RAB2A: variants seen among roughly 807,000 people sequenced by gnomAD.
The protein encoded by RAB2A is ras-related protein Rab-2A.
In RAB2A, 7 loss-of-function variants were observed where a neutral mutation model predicts 32.5. The observed-to-expected ratio is 0.22, with a 90% CI of 0.12 to 0.40. The LOEUF (loss-of-function observed/expected upper bound fraction) is 0.40, where lower values mean the gene tolerates loss of function less well. RAB2A is among the 10% of genes least tolerant of loss of function. RAB2A has a pLI of 1.00. For missense variants in RAB2A, 108 were observed against 260.7 expected (o/e 0.41, Z 4.03); for synonymous variants, 79 against 85.2 (o/e 0.93, Z 0.40).
chr8:60,542,823 T>C (rs1205333723), intron 1 of RAB2A, among the ~76,000 whole-genome samples: 1 of 152,242 alleles, frequency 6.6e-6, no homozygotes, highest in Non-Finnish European at 1.5e-5. Flanking sequence ...TTCTGCACTT[T>C]GCAGTTTCCA....
intron 5 of RAB2A, among the ~76,000 whole-genome samples, chr8:60,590,558 A>G (rs1342465114): frequency 3.4e-5 from 5 of 145,208 alleles, no homozygotes; most frequent in Non-Finnish European, 6.0e-5. Context: ...ATATATATGT[A>G]AAATACATAT....
At chr8:60,616,701 A>G (rs1804454455) in intron 6 of RAB2A, among the ~76,000 whole-genome samples, 1 of 152,190 alleles carries the variant, frequency 6.6e-6, no homozygotes, top group Non-Finnish European at 1.5e-5. Context: ...TTTTGCTGCA[A>G]ATTCTCATGA....
chr8:60,532,568 T>C (rs2130811399), intron 1 of RAB2A, among the ~76,000 whole-genome samples: 1 of 152,242 alleles, frequency 6.6e-6, no homozygotes, highest in Middle Eastern at 3.4e-3. Flanking sequence ...TGGAGTGCAG[T>C]GGCATAGTCT....
At chr8:60,567,796 C>A (rs532159746) in intron 2 of RAB2A, among the ~76,000 whole-genome samples, 1 of 151,894 alleles carries the variant, frequency 6.6e-6, no homozygotes, top group South Asian at 2.1e-4. Flanking sequence ...TTTGCATGTT[C>A]TAGGTAGACT....
In RAB2A at chr8:60,613,785, G is replaced by A. The variant is rs151181880; in HGVS notation, c.475-4795G>A. On this transcript the variant is annotated intron_variant, in intron 6 of 7. Transcript: ENST00000262646. ...ACCTTTGTAAATCAGTATAGTGACT[G>A]TCCCATAGTAAATACTTAGTATATA... Among the ~76,000 whole-genome samples the A allele has an allele frequency of 2.2e-4, 33 of 152,278 alleles. No individual in the cohort carries two copies. The East Asian group carries it at 4.6e-3, about 21-fold the overall frequency.
At chr8:60,584,873 T>C in intron 5 of RAB2A, 58 bp downstream of exon 5, 2 of 1,233,958 alleles carry the variant, frequency 1.6e-6, no homozygotes, top group Admixed American at 2.2e-5. Context: ...TACTGTTTAT[T>C]TGACTACTTT....
chr8:60,593,839 C>T (rs1803978093), intron 6 of RAB2A, among the ~76,000 whole-genome samples: 1 of 151,638 alleles, frequency 6.6e-6, no homozygotes, highest in South Asian at 2.1e-4. Context: ...AAGGAACATG[C>T]TTGAAACAGA....
chr8:60,533,502 C>T (rs559492818), intron 1 of RAB2A, among the ~76,000 whole-genome samples: 15 of 152,220 alleles, frequency 9.9e-5, no homozygotes, highest in African/African-American at 2.9e-4. Flanking sequence ...ATACCAGGAC[C>T]GTGAGTAGAA....
At chr8:60,570,051 G>T (rs1181783267) in intron 2 of RAB2A, 2 of 455,970 alleles carry the variant, frequency 4.4e-6, no homozygotes, top group African/African-American at 4.0e-5. Flanking sequence ...GGATGGAATG[G>T]TCACAGGTCA....
intron 2 of RAB2A, 56 bp from the exon 3 acceptor site, chr8:60,571,990 G>A: frequency 7.8e-7 from 1 of 1,282,736 alleles, no homozygotes; most frequent in South Asian, 1.3e-5. Context: ...TTTAATCCTT[G>A]AAAGTGAGAT....
intron 3 of RAB2A, among the ~76,000 whole-genome samples, chr8:60,575,115 T>TTGTTC (rs1808252812): frequency 7.5e-5 from 11 of 145,916 alleles, no homozygotes; most frequent in African/African-American, 2.3e-4. Flanking sequence ...TTTTTTGGTT[T>TTGTTC]TGAGACAGCG....
intron 6 of RAB2A, among the ~76,000 whole-genome samples, chr8:60,607,601 C>T (rs1290712904): frequency 6.6e-6 from 1 of 152,032 alleles, no homozygotes; most frequent in African/African-American, 2.4e-5. Flanking sequence ...TCTTTTTGAC[C>T]AGAGCTTCCC....
intron 6 of RAB2A, among the ~76,000 whole-genome samples, chr8:60,599,275 A>G (rs1465038973): frequency 6.6e-6 from 1 of 152,200 alleles, no homozygotes; most frequent in Non-Finnish European, 1.5e-5. Flanking sequence ...ACAGTGGTGA[A>G]AGAAGTAAAA....
At chr8:60,589,717 C>G (rs1013137747) in intron 5 of RAB2A, among the ~76,000 whole-genome samples, 1 of 152,066 alleles carries the variant, frequency 6.6e-6, no homozygotes, top group Non-Finnish European at 1.5e-5. Context: ...GATGTAATGC[C>G]TGGAAAACTG....
chr8:60,581,122 C>A (rs954276574), intron 3 of RAB2A, among the ~76,000 whole-genome samples: 3 of 152,198 alleles, frequency 2.0e-5, no homozygotes, highest in Non-Finnish European at 4.4e-5. Flanking sequence ...GTTTTTCGAT[C>A]CCATAACAGA....
At chr8:60,526,031 A>G (rs1261662351) in intron 1 of RAB2A, among the ~76,000 whole-genome samples, 81 of 104,598 alleles carry the variant, frequency 7.7e-4, no homozygotes, top group Non-Finnish European at 1.0e-3. Context: ...ATATATATAT[A>G]TATATATATA....
chr8:60,607,637 C>G (rs1804257738), intron 6 of RAB2A, among the ~76,000 whole-genome samples: 1 of 152,086 alleles, frequency 6.6e-6, no homozygotes, highest in Admixed American at 6.6e-5. Context: ...CTTAAGAATT[C>G]TGTTAAAATG....
chr8:60,569,865 G>C (rs1203612501), intron 2 of RAB2A: 1 of 413,180 alleles, frequency 2.4e-6, no homozygotes, highest in Non-Finnish European at 4.9e-6. Flanking sequence ...CCCAATTCTA[G>C]CTAAGGTAAG....
chr8:60,604,355 T>A (rs1804189519), intron 6 of RAB2A, among the ~76,000 whole-genome samples: 1 of 152,178 alleles, frequency 6.6e-6, no homozygotes, highest in Non-Finnish European at 1.5e-5. Flanking sequence ...GAGAAAGGAC[T>A]GATACAGAAA....
Sources: gnomAD v4.1 joint callset for allele counts (sites outside exome capture counted in the v4.1 genomes callset) on GRCh38, gnomAD v4.1.1 for gene constraint, MANE v1.5 for transcripts, NCBI Gene and HGNC (gene_info 2026-07-23, HGNC 2026-07-21) for gene names.